BCAS4: variants seen among roughly 807,000 people sequenced by gnomAD.
BCAS4 encodes breast carcinoma-amplified sequence 4.
In BCAS4, 9 loss-of-function variants were observed where a neutral mutation model predicts 15.7. The ratio of observed to expected loss-of-function variants is 0.57; its 90% CI spans 0.34 to 1.00. The LOEUF is 1.00. Ranked by LOEUF, BCAS4 falls within the 50% of genes least tolerant of loss-of-function variation. BCAS4 has a pLI of 0.02. For synonymous variants in BCAS4, 101 were observed against 99.5 expected (o/e 1.02, Z -0.09); for missense variants, 225 against 239.1 (o/e 0.94, Z 0.39).
intron 4 of BCAS4, among the ~76,000 whole-genome samples, chr20:50,852,531 G>A (rs1182987612): frequency 2.0e-5 from 3 of 152,042 alleles, no homozygotes; most frequent in Non-Finnish European, 2.9e-5. Context: ...ACAGGTGCCC[G>A]CCACCATGAC....
chr20:50,866,828 G>T (rs1979381683), intron 4 of BCAS4, among the ~76,000 whole-genome samples: 1 of 152,172 alleles, frequency 6.6e-6, no homozygotes, highest in South Asian at 2.1e-4. Context: ...ATGGCCAAGT[G>T]ACTCGCTGAG....
rs377503800 is a variant in BCAS4, at chr20:50,812,602, G to T, written c.91-5609G>T. On this transcript the variant is annotated intron_variant, in intron 1 of 4. Coordinates refer to ENST00000371608, the MANE Select transcript of BCAS4 (RefSeq NM_198799.4). ...CTACAGGCTTGTGCCACTACGTCCA[G>T]CTCATTTTTGTAGTTTTAGTAGAGA... 2.5e-4 allele frequency among the ~76,000 whole-genome samples: 38 copies of T among 151,770 alleles called. No individual in the cohort carries two copies. The East Asian group carries it at 5.1e-3, about 20-fold the overall frequency.
Position 50,851,626 on chromosome 20 carries a change from C to T in BCAS4, c.399+9726C>T, listed in dbSNP as rs1978425777. On this transcript the variant is annotated intron_variant, in intron 4 of 4. Transcript: ENST00000371608. The surrounding 1 kb of genome is among the most constrained non-coding windows in gnomAD (Gnocchi z 4.3). ...CTGGTTGGTGGGACCCTCAACATGC[C>T]CTTCTCTCAAAGCAGCACCACCGTC... is the stretch of plus-strand genomic sequence containing the variant. 2.6e-5 allele frequency among the ~76,000 whole-genome samples: 4 copies of T among 152,216 alleles called. No individual in the cohort carries two copies. The South Asian group carries it at 6.2e-4, about 24-fold the overall frequency.
chr20:50,852,834 A>G (rs547029654), intron 4 of BCAS4, among the ~76,000 whole-genome samples: 1 of 152,364 alleles, frequency 6.6e-6, no homozygotes, highest in African/African-American at 2.4e-5. Flanking sequence ...GTGACCGGGC[A>G]GCACCCAGAG....
chr20:50,822,603 C>T (rs2088229437), intron 2 of BCAS4, among the ~76,000 whole-genome samples: 1 of 151,646 alleles, frequency 6.6e-6, no homozygotes, highest in African/African-American at 2.4e-5. Flanking sequence ...AAACTACAGC[C>T]ACTTTGGAAA....
At chr20:50,798,839 T>G (rs1600841328) in intron 1 of BCAS4, among the ~76,000 whole-genome samples, 1 of 152,236 alleles carries the variant, frequency 6.6e-6, no homozygotes. Context: ...ATGGCTTATG[T>G]CATTGTGTCA....
chr20:50,804,807 T>C (rs1419865687), intron 1 of BCAS4, among the ~76,000 whole-genome samples: 1 of 152,206 alleles, frequency 6.6e-6, no homozygotes, highest in East Asian at 1.9e-4. Flanking sequence ...GGGAACTCTG[T>C]GTTGCTTTGG....
intron 4 of BCAS4, among the ~76,000 whole-genome samples, chr20:50,860,747 A>T: frequency 6.6e-6 from 1 of 152,142 alleles, no homozygotes; most frequent in African/African-American, 2.4e-5. Context: ...GTGAAGGCAC[A>T]CACCTGCAAT....
chr20:50,820,380 G>T (rs1365078876), intron 2 of BCAS4, among the ~76,000 whole-genome samples: 1 of 152,194 alleles, frequency 6.6e-6, no homozygotes, highest in Non-Finnish European at 1.5e-5. Context: ...TCGTATAACA[G>T]GTGGTGATGA....
intron 2 of BCAS4, among the ~76,000 whole-genome samples, chr20:50,823,698 C>T (rs2088244295): frequency 6.6e-6 from 1 of 152,084 alleles, no homozygotes; most frequent in African/African-American, 2.4e-5. Flanking sequence ...AAAAGCTTGA[C>T]ACAAGAATAC....
intron 3 of BCAS4, among the ~76,000 whole-genome samples, chr20:50,841,169 G>A (rs994141897): frequency 6.6e-5 from 10 of 152,160 alleles, no homozygotes; most frequent in Admixed American, 6.5e-4. Context: ...GAGGCCTGGA[G>A]CTGAGTGGTC....
Position 50,841,933 on chromosome 20 carries a change from G to A in BCAS4, c.399+33G>A, listed in dbSNP as rs951486773. 3.9e-6 allele frequency: 6 copies of A among 1,532,112 alleles called. No individual in the cohort carries two copies. In the African/African-American group the frequency reaches 4.2e-5, roughly 11 times the overall value. 94.9% of individuals were successfully genotyped at this position (1,532,112 alleles called of 1,614,324 possible). On this transcript the variant is annotated intron_variant, in intron 4 of 4. Coordinates refer to ENST00000371608, the MANE Select transcript of BCAS4 (RefSeq NM_198799.4). ...TCCTGCCCCGAGAAGTGAGGGGAGG[G>A]CCTCTCCCCCTTCGCTCCGCAGACC...
At chr20:50,824,719 GA>G (rs1338037328) in intron 2 of BCAS4, among the ~76,000 whole-genome samples, 2 of 152,156 alleles carry the variant, frequency 1.3e-5, no homozygotes, top group East Asian at 1.9e-4. Flanking sequence ...GAGTGATGGG[GA>G]CTGGGGTTAA....
chr20:50,881,859 C>A (rs1980122431), downstream of BCAS4: 1 of 152,120 alleles, frequency 6.6e-6, no homozygotes, highest in South Asian at 2.1e-4. Context: ...TGGGGTTTTG[C>A]CATGTTGGCC....
intron 1 of BCAS4, among the ~76,000 whole-genome samples, chr20:50,811,080 G>T (rs928380938): frequency 1.3e-5 from 2 of 152,164 alleles, no homozygotes; most frequent in African/African-American, 4.8e-5. Context: ...AAGGCCCTGC[G>T]GTGAGGCTGT....
chr20:50,866,485 A>T (rs992503411), intron 4 of BCAS4, among the ~76,000 whole-genome samples: 1 of 152,228 alleles, frequency 6.6e-6, no homozygotes, highest in Non-Finnish European at 1.5e-5. Context: ...GTGGCCAGAT[A>T]GCTCAGTTTT....
chr20:50,867,674 G>C (rs571743404), intron 4 of BCAS4, among the ~76,000 whole-genome samples: 1 of 152,322 alleles, frequency 6.6e-6, no homozygotes, highest in Admixed American at 6.5e-5. Context: ...AGCACTTTGG[G>C]AGGCCAAGGT....
At chr20:50,876,052 G>A (rs1979920038) in intron 4 of BCAS4, 2 of 455,884 alleles carry the variant, frequency 4.4e-6, no homozygotes, top group Non-Finnish European at 8.8e-6. Context: ...CCGGGTTCAA[G>A]TGATTCTCCT....
intron 4 of BCAS4, among the ~76,000 whole-genome samples, chr20:50,842,585 T>C (rs2088498389): frequency 6.6e-6 from 1 of 152,144 alleles, no homozygotes; most frequent in African/African-American, 2.4e-5. Flanking sequence ...GCCCAGCTAA[T>C]TTTTGTATTT....
Sources: gnomAD v4.1 joint callset for allele counts (sites outside exome capture counted in the v4.1 genomes callset) on GRCh38, gnomAD v4.1.1 for gene constraint, Gnocchi (gnomAD v3.1) non-coding constraint, MANE v1.5 for transcripts, NCBI Gene and HGNC (gene_info 2026-07-23, HGNC 2026-07-21) for gene names.